The following ICE1 variants were observed in gnomAD, a reference collection of about 807,000 sequenced individuals.
The protein encoded by ICE1 is interactor of little elongation complex ELL subunit 1.
Under a neutral mutation model 192.7 loss-of-function variants are expected in ICE1, and 64 were observed. The ratio of observed to expected loss-of-function variants is 0.33; its 90% CI spans 0.27 to 0.41. ICE1 has a LOEUF of 0.41. Ranked by LOEUF, ICE1 falls within the 10% of genes least tolerant of loss-of-function variation. ICE1 has a pLI of 1.00. For synonymous variants in ICE1, 1,010 were observed against 984.5 expected, an observed-to-expected ratio of 1.03 and a Z score of -0.49; for missense variants, 2,708 against 2,696.0, an observed-to-expected ratio of 1.00 and a Z score of -0.10.
intron 7 of ICE1, 130 bp from the exon 8 acceptor site, chr5:5,447,297 A>C: frequency 1.5e-6 from 1 of 652,114 alleles, no homozygotes; most frequent in Non-Finnish European, 2.6e-6. Context: ...ATGGCTTTTT[A>C]CGAAATTTAT....
chr5:5,448,270 CTA>C (rs923014725), intron 10 of ICE1, among the ~76,000 whole-genome samples: 1 of 152,016 alleles, frequency 6.6e-6, no homozygotes, highest in African/African-American at 2.4e-5. Context: ...GGCAGGAAAA[CTA>C]TAGAATTAAA....
intron 17 of ICE1, among the ~76,000 whole-genome samples, chr5:5,478,245 A>C (rs943868238): frequency 4.6e-5 from 7 of 152,238 alleles, no homozygotes; most frequent in African/African-American, 1.7e-4. Flanking sequence ...TTAAGCTGAT[A>C]AGCAGCTTCA....
At chr5:5,440,917 GAA>G (rs888529203) in intron 4 of ICE1, among the ~76,000 whole-genome samples, 193 bp from the exon 5 acceptor site, 3 of 146,276 alleles carry the variant, frequency 2.1e-5, no homozygotes, top group African/African-American at 5.0e-5. Context: ...AGAAAGAAAA[GAA>G]AAAAAAAATA....
intron 12 of ICE1, 88 bp from the exon 13 acceptor site, chr5:5,460,348 G>A (rs929113345): frequency 4.3e-5 from 37 of 870,216 alleles, no homozygotes; most frequent in African/African-American, 4.1e-4. Context: ...TTCAGGAAAC[G>A]TGTACTTTTA....
chr5:5,460,347 C>T (rs757432065), intron 12 of ICE1, 89 bp from the exon 13 acceptor site: 13 of 863,956 alleles, frequency 1.5e-5, no homozygotes, highest in Admixed American at 8.7e-5. Flanking sequence ...CTTCAGGAAA[C>T]GTGTACTTTT....
At position 5,464,049 on chromosome 5, in the gene ICE1, C is replaced by G; in HGVS notation, c.4715C>G (p.Ala1572Gly). 1 of 1,613,578 alleles carries G rather than the reference C, an allele frequency of 6.2e-7. No individual in the cohort carries two copies. The highest frequency in any genetic ancestry group is 8.5e-7 in the Non-Finnish European group (1 of 1,179,834). Residue 1572 changes from alanine (A) to glycine (G), a missense_variant, in exon 13 of 19, where the codon GCG becomes GGG. This residue lies in a region of ICE1 where 2,366 missense variants were observed against 2,276.6 expected (regional missense o/e 1.04). Transcript: ENST00000296564. The surrounding 1 kb of genome is among the most constrained non-coding windows in gnomAD (Gnocchi z 4.0). Reference sequence around the variant, plus strand: ...TCAAACAAACCAGTAAAAACTTCAGCGTCGAGCAGAGTTGAAACTCATCAG... The same window carrying G: ...TCAAACAAACCAGTAAAAACTTCAGGGTCGAGCAGAGTTGAAACTCATCAG... Reference protein sequence around the residue: ...DQSNKPVKTSASSRVETHQSE... With the variant: ...DQSNKPVKTSGSSRVETHQSE...
intron 17 of ICE1, among the ~76,000 whole-genome samples, chr5:5,481,102 G>C (rs1017388110): frequency 6.6e-6 from 1 of 152,102 alleles, no homozygotes; most frequent in African/African-American, 2.4e-5. Context: ...TTCAGTAGCA[G>C]CTTCTCTTAT....
chr5:5,473,164 A>G (rs1195798353), intron 15 of ICE1, among the ~76,000 whole-genome samples: 1 of 152,232 alleles, frequency 6.6e-6, no homozygotes, highest in East Asian at 1.9e-4. Context: ...GAATTTCTCG[A>G]AAAGGCAGAC....
In ICE1 at chr5:5,457,551, T is replaced by C; in HGVS notation, c.911T>C (p.Leu304Pro). The C allele has an allele frequency of 6.2e-7, 1 of 1,614,000 alleles. No homozygotes were observed. The highest frequency in any genetic ancestry group is 2.2e-5 in the East Asian group (1 of 44,878). Residue 304 changes from leucine (L) to proline (P), a missense_variant, in exon 12 of 19, where the codon CTT (leucine) becomes CCT (proline). This residue lies in a region of ICE1 where 2,366 missense variants were observed against 2,276.6 expected (regional missense o/e 1.04). Transcript: ENST00000296564. Reference sequence around the variant, plus strand: ...CATGTTTTTAATGAGAATGGAAATCTTGAGGTTTTAGTACAAAGTCATCGT... The same window carrying C: ...CATGTTTTTAATGAGAATGGAAATCCTGAGGTTTTAGTACAAAGTCATCGT... ...SDHVFNENGN[L>P]EVLVQSHRDG...
At chr5:5,476,381 C>G (rs1359370533) in intron 17 of ICE1, among the ~76,000 whole-genome samples, 8 of 152,148 alleles carry the variant, frequency 5.3e-5, no homozygotes, top group Admixed American at 5.2e-4. Context: ...ATAAATTATA[C>G]TGTAGTTTCA....
At position 5,465,102 on chromosome 5, in the gene ICE1, C is replaced by G. The variant is rs1561092725; in HGVS notation, c.5768C>G (p.Ala1923Gly). 1 of 1,613,270 alleles carries G rather than the reference C, an allele frequency of 6.2e-7. No homozygotes were observed. The highest frequency in any genetic ancestry group is 1.7e-5 in the Admixed American group (1 of 59,942). Residue 1923 changes from alanine to glycine, a missense_variant, in exon 13 of 19, where the codon GCA becomes GGA. Coordinates refer to ENST00000296564, the MANE Select transcript of ICE1 (RefSeq NM_015325.3). Reference protein sequence around the residue: ...KAIANALKKIAEFSFDLLPVI... With the variant: ...KAIANALKKIGEFSFDLLPVI... ...ATAGCTAATGCCCTGAAGAAAATTG[C>G]AGAGTTTTCTTTTGATCTGTTACCT...
At chr5:5,446,215 T>G (rs1461788474) in intron 7 of ICE1, among the ~76,000 whole-genome samples, 1 of 152,092 alleles carries the variant, frequency 6.6e-6, no homozygotes, top group Non-Finnish European at 1.5e-5. Flanking sequence ...AGGCTGGTCT[T>G]GAACTCCTTG....
chr5:5,441,399 T>G (rs1464332667), intron 5 of ICE1, among the ~76,000 whole-genome samples, 176 bp downstream of exon 5: 1 of 152,240 alleles, frequency 6.6e-6, no homozygotes, highest in Non-Finnish European at 1.5e-5. Flanking sequence ...GCTTAGTCTT[T>G]ACAGTGATTA....
chr5:5,449,086 GTCT>G (rs148252546), intron 10 of ICE1, among the ~76,000 whole-genome samples: 8,616 of 152,122 alleles, frequency 0.057, 787 homozygotes, highest in African/African-American at 0.2. Context: ...GAACCCTTCT[GTCT>G]TCTTTCTGTA....
rs577322023 is a variant in ICE1, at chr5:5,464,748, C to G, written c.5414C>G (p.Ala1805Gly). ...GFKTITSAAT[A>G]FVKTGSSSGG... is the part of the protein sequence containing the mutation. Reference sequence around the variant, plus strand: ...AAAACGATCACTTCAGCAGCAACTGCTTTTGTCAAAACTGGGAGCAGCTCT... The same window carrying G: ...AAAACGATCACTTCAGCAGCAACTGGTTTTGTCAAAACTGGGAGCAGCTCT... Residue 1805 changes from alanine (A) to glycine (G), a missense_variant, in exon 13 of 19, where the codon GCT (alanine) becomes GGT (glycine). Ala to Gly is a moderately conservative substitution (Grantham distance 60). Around this residue, in one of 2 missense-constraint regions of ICE1, gnomAD observed 2,366 missense variants for 2,276.6 expected, o/e 1.04. Transcript: ENST00000296564. This position sits in a 1 kb window ranked among gnomAD's most constrained non-coding sequence, Gnocchi z 4.0. 1 of 1,613,884 alleles carries G rather than the reference C, an allele frequency of 6.2e-7. No homozygotes were observed. The highest frequency in any genetic ancestry group is 1.3e-5 in the African/African-American group (1 of 75,064).
intron 17 of ICE1, among the ~76,000 whole-genome samples, chr5:5,478,628 C>A (rs1482529678): frequency 6.6e-6 from 1 of 152,092 alleles, no homozygotes; most frequent in Non-Finnish European, 1.5e-5. Flanking sequence ...AGCCAAAAAA[C>A]CCATATAGCC....
chr5:5,443,310 C>A, intron 6 of ICE1, 66 bp downstream of exon 6: 1 of 865,952 alleles, frequency 1.2e-6, no homozygotes, highest in Non-Finnish European at 1.7e-6. Flanking sequence ...ATTCTTAAGT[C>A]GGTAGTGTTT....
In ICE1 at chr5:5,460,464, C is replaced by A; in HGVS notation, c.1130C>A (p.Ser377Tyr). 1 of 1,598,984 alleles carries A rather than the reference C, an allele frequency of 6.3e-7. No homozygotes were observed. Among genetic ancestry groups the A allele is most frequent in the Middle Eastern group, 1.7e-4 (1 of 5,980 alleles). The change falls in exon 13 of 19, where the codon TCC (serine) becomes TAC (tyrosine). Residue 377 changes from serine to tyrosine, a missense_variant. Physicochemically the swap from Ser to Tyr is moderately radical, Grantham distance 144. Around this residue, in one of 2 missense-constraint regions of ICE1, gnomAD observed 2,366 missense variants for 2,276.6 expected, o/e 1.04. Transcript: ENST00000296564. Reference protein sequence around the residue: ...PETYFGEYTDSSDNDSVQLRN... With the variant: ...PETYFGEYTDYSDNDSVQLRN... ...ACCTACTTTGGAGAATACACAGATT[C>A]CAGCGATAATGACTCAGTCCAGCTT...
At position 5,457,502 on chromosome 5, in the gene ICE1, A is replaced by C. The variant is rs1406795491; in HGVS notation, c.862A>C (p.Ser288Arg). The C allele has an allele frequency of 1.9e-6, 3 of 1,614,036 alleles. No individual in the cohort carries two copies. The highest frequency in any genetic ancestry group is 2.5e-6 in the Non-Finnish European group (3 of 1,179,890). Reference sequence around the variant, plus strand: ...TCAAAATGTGGAAAAACAGAGCTCCAGTGGAACAAATTGTAGTTCTGACCA... The same window carrying C: ...TCAAAATGTGGAAAAACAGAGCTCCCGTGGAACAAATTGTAGTTCTGACCA... ...LCQNVEKQSS[S>R]GTNCSSDHVF... Residue 288 changes from serine to arginine, a missense_variant, in exon 12 of 19, where the codon AGT becomes CGT. By Grantham distance (110) the Ser-to-Arg change is moderately radical (BLOSUM62 -1). Around this residue, in one of 2 missense-constraint regions of ICE1, gnomAD observed 2,366 missense variants for 2,276.6 expected, o/e 1.04. Coordinates refer to ENST00000296564, the MANE Select transcript of ICE1 (RefSeq NM_015325.3).
Sources: gnomAD v4.1 joint callset for allele counts (sites outside exome capture counted in the v4.1 genomes callset) on GRCh38, gnomAD v4.1.1 for gene constraint, gnomAD v4.1.1 regional missense constraint, Gnocchi (gnomAD v3.1) non-coding constraint, MANE v1.5 for transcripts, NCBI Gene and HGNC (gene_info 2026-07-23, HGNC 2026-07-21) for gene names.